SMAP1: variants seen among roughly 807,000 people sequenced by gnomAD.
SMAP1 encodes the protein stromal membrane-associated protein 1.
A neutral mutation model predicts 58.5 loss-of-function variants in SMAP1; 24 were observed. That is an observed-to-expected ratio of 0.41 (90% CI 0.30 to 0.58). The LOEUF is 0.58. SMAP1 is among the 20% of genes least tolerant of loss of function. SMAP1 has a pLI of 0.29. For synonymous variants in SMAP1, 216 were observed against 196.6 expected (o/e 1.10, Z -0.82); for missense variants, 563 against 566.3 (o/e 0.99, Z 0.06).
chr6:70,769,322 C>T lies in SMAP1; in HGVS notation c.339-4028C>T, dbSNP rs539922147. ...GGGTATCCTTGTTAACTTTCTGTCTCGTTGATCTGTCTAATGTTGACAGTG... is the reference window on the plus strand; with the variant it reads ...GGGTATCCTTGTTAACTTTCTGTCTTGTTGATCTGTCTAATGTTGACAGTG... On this transcript the variant is annotated intron_variant, in intron 3 of 10. Coordinates refer to ENST00000370455, the MANE Select transcript of SMAP1 (RefSeq NM_001044305.3). 2.1e-3 allele frequency among the ~76,000 whole-genome samples: 320 copies of T among 152,210 alleles called. 2 individuals carry two copies. The highest frequency in any genetic ancestry group is 7.7e-4 in the East Asian group (4 of 5,188).
intron 1 of SMAP1, among the ~76,000 whole-genome samples, chr6:70,669,330 A>G (rs936036274): frequency 2.0e-5 from 3 of 152,224 alleles, no homozygotes; most frequent in African/African-American, 7.2e-5. Context: ...ACATTTCAGT[A>G]GGCTGATAAT....
At position 70,769,696 on chromosome 6, in the gene SMAP1, C is replaced by A. The variant is rs540332571; in HGVS notation, c.339-3654C>A. 2.9e-4 allele frequency among the ~76,000 whole-genome samples: 44 copies of A among 152,286 alleles called. No individual in the cohort carries two copies. In the South Asian group the frequency reaches 7.1e-3, roughly 24 times the overall value. ...AATACAGCACACTGATGGGTCTTGA[C>A]TCTTTATCCATTTTGCCAGTCTGTG... On this transcript the variant is annotated intron_variant, in intron 3 of 10. Transcript: ENST00000370455.
intron 1 of SMAP1, among the ~76,000 whole-genome samples, chr6:70,670,111 A>G (rs915309432): frequency 2.0e-5 from 3 of 152,140 alleles, no homozygotes; most frequent in Non-Finnish European, 4.4e-5. Context: ...TATATATTGA[A>G]TGAATGTCTT....
At chr6:70,717,520 G>C (rs886117193) in intron 1 of SMAP1, among the ~76,000 whole-genome samples, 3 of 152,190 alleles carry the variant, frequency 2.0e-5, no homozygotes, top group Non-Finnish European at 1.5e-5. Context: ...GTGTGCAAGT[G>C]TGTCTAAACT....
At position 70,860,571 on chromosome 6, in the gene SMAP1, A is replaced by G. The variant is rs1205068968; in HGVS notation, c.*237A>G. 11 of 447,194 alleles carry G rather than the reference A, an allele frequency of 2.5e-5. No homozygotes were observed. Among genetic ancestry groups the G allele is most frequent in the Non-Finnish European group, 3.9e-5 (10 of 259,288 alleles). The allele number at this position is 447,194 out of a possible 1,614,324, so 27.7% of individuals were successfully genotyped here. Reference sequence around the variant, plus strand: ...GCTCATATTTCCCATGATTTCATGTACTGCATTATTTGAGAAGCTGCTCAA... The same window carrying G: ...GCTCATATTTCCCATGATTTCATGTGCTGCATTATTTGAGAAGCTGCTCAA... On this transcript the variant is annotated 3_prime_UTR_variant, in exon 11 of 11. Coordinates refer to ENST00000370455, the MANE Select transcript of SMAP1 (RefSeq NM_001044305.3).
chr6:70,805,919 G>A (rs987537629), intron 6 of SMAP1, among the ~76,000 whole-genome samples: 7 of 152,114 alleles, frequency 4.6e-5, no homozygotes, highest in African/African-American at 9.7e-5. Flanking sequence ...GGTGTCTGTC[G>A]GCCCCTACTG....
At chr6:70,741,573 G>T (rs554517201) in intron 2 of SMAP1, among the ~76,000 whole-genome samples, 43 of 152,308 alleles carry the variant, frequency 2.8e-4, no homozygotes, top group Non-Finnish European at 3.5e-4. Context: ...TCATGGGCTG[G>T]TATTGAGTGC....
intron 3 of SMAP1, among the ~76,000 whole-genome samples, chr6:70,768,583 G>T (rs1313939213): frequency 6.6e-6 from 1 of 152,166 alleles, no homozygotes; most frequent in African/African-American, 2.4e-5. Flanking sequence ...ATTTCTGTGG[G>T]ATCGGTGGTG....
chr6:70,684,196 C>A (rs898348114), intron 1 of SMAP1, among the ~76,000 whole-genome samples: 2 of 152,170 alleles, frequency 1.3e-5, no homozygotes, highest in Admixed American at 6.5e-5. Context: ...TTGTTGTCAT[C>A]TGCAGTGTTA....
rs77401508 is a variant in SMAP1 at position 70,736,056 on chromosome 6, C to T, written c.252+3545C>T. On this transcript the variant is annotated intron_variant, in intron 2 of 10. Transcript: ENST00000370455. ...GTAAAATGTAAATACTAAGTTTTTC[C>T]TCAAGGTTACTTATAAACTGATATT... 3.6e-3 allele frequency among the ~76,000 whole-genome samples: 551 copies of T among 151,852 alleles called. 2 individuals carry two copies. The highest frequency in any genetic ancestry group is 0.013 in the African/African-American group (528 of 41,408).
intron 7 of SMAP1, among the ~76,000 whole-genome samples, chr6:70,844,014 A>G (rs549567738): frequency 6.6e-6 from 1 of 152,270 alleles, no homozygotes; most frequent in South Asian, 2.1e-4. Flanking sequence ...CACTACCATT[A>G]GAGAGAAAGA....
At chr6:70,683,364 G>T (rs574183894) in intron 1 of SMAP1, among the ~76,000 whole-genome samples, 1 of 151,646 alleles carries the variant, frequency 6.6e-6, no homozygotes, top group Non-Finnish European at 1.5e-5. Flanking sequence ...AGTAGACGGG[G>T]TTTCATCATC....
intron 1 of SMAP1, among the ~76,000 whole-genome samples, chr6:70,724,012 CTTTT>C (rs1488776229): frequency 6.6e-6 from 1 of 151,358 alleles, no homozygotes; most frequent in Non-Finnish European, 1.5e-5. Flanking sequence ...AATATCAATT[CTTTT>C]GTTTTTTAAT....
At chr6:70,834,025 A>ATGTG (rs1770468195) in intron 6 of SMAP1, among the ~76,000 whole-genome samples, 1 of 152,220 alleles carries the variant, frequency 6.6e-6, no homozygotes, top group Admixed American at 6.5e-5. Context: ...ACACAGATAC[A>ATGTG]TGTGTGAACA....
chr6:70,728,624 A>G (rs1450546547), intron 1 of SMAP1, among the ~76,000 whole-genome samples: 1 of 152,228 alleles, frequency 6.6e-6, no homozygotes, highest in Non-Finnish European at 1.5e-5. Flanking sequence ...TTTAGGAGAC[A>G]GAACTAATTA....
chr6:70,738,808 T>C (rs764974146), intron 2 of SMAP1, among the ~76,000 whole-genome samples: 6 of 152,158 alleles, frequency 3.9e-5, no homozygotes, highest in African/African-American at 1.2e-4. Flanking sequence ...GCACTACTTA[T>C]GTTAGTGGTC....
At chr6:70,748,344 A>T (rs1330082353) in intron 2 of SMAP1, among the ~76,000 whole-genome samples, 1 of 152,146 alleles carries the variant, frequency 6.6e-6, no homozygotes, top group East Asian at 1.9e-4. Context: ...AAAGCTTTTA[A>T]TGAATAGAAA....
intron 1 of SMAP1, among the ~76,000 whole-genome samples, chr6:70,672,968 C>T (rs913302198): frequency 2.6e-5 from 4 of 151,904 alleles, no homozygotes; most frequent in African/African-American, 9.7e-5. Flanking sequence ...TTGGTAGTCT[C>T]AGGTCAGAGG....
At chr6:70,671,178 A>T (rs1208822670) in intron 1 of SMAP1, among the ~76,000 whole-genome samples, 2 of 116,326 alleles carry the variant, frequency 1.7e-5, no homozygotes, top group Non-Finnish European at 3.8e-5. Context: ...TCTAGCTTTG[A>T]TTTTTGTTTT....
Sources: gnomAD v4.1 joint callset for allele counts (sites outside exome capture counted in the v4.1 genomes callset) on GRCh38, gnomAD v4.1.1 for gene constraint, MANE v1.5 for transcripts, NCBI Gene and HGNC (gene_info 2026-07-23, HGNC 2026-07-21) for gene names.